TOX3: variants seen among roughly 807,000 people sequenced by gnomAD.
The protein encoded by TOX3 is CAG trinucleotide repeat-containing gene F9 protein.
Under a neutral mutation model 64.3 loss-of-function variants are expected in TOX3, and 22 were observed. The ratio of observed to expected loss-of-function variants is 0.34; its 90% CI spans 0.24 to 0.49. The LOEUF (loss-of-function observed/expected upper bound fraction) is 0.49. TOX3 is among the 20% of genes least tolerant of loss of function. The pLI is 0.99. For synonymous variants in TOX3, 291 were observed against 273.6 expected, an observed-to-expected ratio of 1.06 and a Z score of -0.63; for missense variants, 661 against 714.4, an observed-to-expected ratio of 0.93 and a Z score of 0.85.
chr16:52,454,649 A>G (rs1360304921), intron 3 of TOX3, among the ~76,000 whole-genome samples: 1 of 152,204 alleles, frequency 6.6e-6, no homozygotes, highest in Admixed American at 6.5e-5. Flanking sequence ...CCTTTAAAAG[A>G]TGTTACCCTT....
Position 52,490,825 on chromosome 16 carries a change from C to T in TOX3, c.88-22251G>A, listed in dbSNP as rs557445224. 2.3e-3 allele frequency among the ~76,000 whole-genome samples: 348 copies of T among 151,786 alleles called. 1 individual carries two copies. The highest frequency in any genetic ancestry group is 4.2e-3 in the Non-Finnish European group (288 of 67,930). Reference sequence around the variant, plus strand: ...TTTATTTTTTGTAGAGACAAGGTTTCTCTATGTTGCCCAGGCTGGTCTCAA... The same window carrying T: ...TTTATTTTTTGTAGAGACAAGGTTTTTCTATGTTGCCCAGGCTGGTCTCAA... On this transcript the variant is annotated intron_variant, in intron 1 of 6. Transcript: ENST00000219746.
intron 4 of TOX3, among the ~76,000 whole-genome samples, chr16:52,446,997 C>T (rs937412408): frequency 2.0e-5 from 3 of 152,128 alleles, no homozygotes; most frequent in Non-Finnish European, 2.9e-5. Context: ...AGTAACCCTG[C>T]TCACAAGAAT....
At chr16:52,494,395 T>G (rs9939506) in intron 1 of TOX3, among the ~76,000 whole-genome samples, 1 of 152,042 alleles carries the variant, frequency 6.6e-6, no homozygotes, top group African/African-American at 2.4e-5. Flanking sequence ...CCTGGGTCCC[T>G]CCTCCACTGC....
chr16:52,493,053 A>G (rs537043928), intron 1 of TOX3, among the ~76,000 whole-genome samples: 3 of 152,316 alleles, frequency 2.0e-5, no homozygotes, highest in Admixed American at 6.5e-5. Flanking sequence ...GCAAGTGGAC[A>G]GAACCAAGCT....
intron 1 of TOX3, among the ~76,000 whole-genome samples, chr16:52,488,472 T>C (rs1961589024): frequency 6.6e-6 from 1 of 152,214 alleles, no homozygotes; most frequent in Admixed American, 6.5e-5. Flanking sequence ...GACCATCTTG[T>C]TGCCATGACT....
chr16:52,483,010 C>A lies in TOX3; in HGVS notation c.88-14436G>T, dbSNP rs889671366. Among the ~76,000 whole-genome samples the A allele has an allele frequency of 3.0e-4, 46 of 151,964 alleles. 1 individual carries two copies. The highest frequency in any genetic ancestry group is 2.2e-3 in the Admixed American group (33 of 15,258). On this transcript the variant is annotated intron_variant, in intron 1 of 6. Transcript: ENST00000219746. ...CAAGATTAATATTGAAAATAAACCC[C>A]GTATAATAGGGCCCCTGGGATAAGT...
rs530010382 is a variant in TOX3, at chr16:52,445,790, T to C, written c.906+204A>G. 73 of 559,826 alleles carry C rather than the reference T, an allele frequency of 1.3e-4. No homozygotes were observed. The African/African-American group carries it at 1.3e-3, about 10-fold the overall frequency. 34.7% of individuals were successfully genotyped at this position (559,826 alleles called of 1,614,324 possible). A position where few individuals can be genotyped will look rare whatever the true frequency, so the allele number is the denominator to read the frequency against. ...CCTTCCTCTGAATGGGTTCTGAACA[T>C]GCACCCATAAGCTGACAGAGAAATC... On this transcript the variant is annotated intron_variant, in intron 5 of 6. Coordinates refer to ENST00000219746, the MANE Select transcript of TOX3 (RefSeq NM_001080430.4).
chr16:52,440,748 C>CTTTTTTTTTTTTTTTTTTTTTTTTTTTTT (rs1425662404), intron 6 of TOX3, among the ~76,000 whole-genome samples: 1 of 89,456 alleles, frequency 1.1e-5, no homozygotes. Flanking sequence ...ATTTTTCTTT[C>CTTTTTTTTTTTTTTTTTTTTTTTTTTTTT]TTTCTTTTTT....
intron 4 of TOX3, among the ~76,000 whole-genome samples, chr16:52,448,024 T>G (rs986565389): frequency 2.6e-5 from 4 of 152,190 alleles, no homozygotes; most frequent in African/African-American, 7.2e-5. Flanking sequence ...CGACCACCTT[T>G]GACGCCTTTC....
intron 1 of TOX3, among the ~76,000 whole-genome samples, chr16:52,502,720 G>A (rs1962035952): frequency 6.6e-6 from 1 of 152,138 alleles, no homozygotes. Context: ...AGAATTCCAT[G>A]ATATCCTAAA....
At chr16:52,455,243 A>G (rs2151749594) in intron 3 of TOX3, among the ~76,000 whole-genome samples, 1 of 152,154 alleles carries the variant, frequency 6.6e-6, no homozygotes, top group East Asian at 1.9e-4. Context: ...GATATTAGAT[A>G]AGAGTTTCTC....
chr16:52,544,594 G>A (rs528768658), intron 1 of TOX3, among the ~76,000 whole-genome samples: 21 of 152,294 alleles, frequency 1.4e-4, no homozygotes, highest in Non-Finnish European at 2.8e-4. Flanking sequence ...GTTATTTCAG[G>A]CAAATAGCTG....
At chr16:52,487,220 T>C (rs1181131896) in intron 1 of TOX3, among the ~76,000 whole-genome samples, 3 of 151,866 alleles carry the variant, frequency 2.0e-5, no homozygotes, top group Non-Finnish European at 4.4e-5. Context: ...TGTTGGCTTC[T>C]GGTAGTGACC....
intron 1 of TOX3, among the ~76,000 whole-genome samples, chr16:52,512,211 CTCAAATGGATTTTGTTTTACCTGAA>C (rs1962331191): frequency 6.6e-6 from 1 of 152,124 alleles, no homozygotes; most frequent in South Asian, 2.1e-4. Flanking sequence ...TAAATATTGG[CTCAAATGGATTTTGTTTTACCTGAA>C]TCAAAGGGAT....
chr16:52,524,739 C>T (rs1317420502), intron 1 of TOX3, among the ~76,000 whole-genome samples: 2 of 152,268 alleles, frequency 1.3e-5, no homozygotes, highest in East Asian at 3.9e-4. Context: ...CTTAAAAGTG[C>T]CTAGAAGATA....
intron 1 of TOX3, among the ~76,000 whole-genome samples, chr16:52,530,948 C>T (rs928545781): frequency 1.3e-5 from 2 of 152,200 alleles, no homozygotes; most frequent in Admixed American, 6.5e-5. Flanking sequence ...TAAAGCTCCA[C>T]TGTTTTCAGT....
chr16:52,488,229 C>T (rs186447866), intron 1 of TOX3, among the ~76,000 whole-genome samples: 1 of 152,322 alleles, frequency 6.6e-6, no homozygotes, highest in East Asian at 1.9e-4. Flanking sequence ...TAGCCAGTGG[C>T]CCCCTGCTGA....
intron 1 of TOX3, among the ~76,000 whole-genome samples, chr16:52,497,879 G>C (rs1961890481): frequency 6.6e-6 from 1 of 151,954 alleles, no homozygotes; most frequent in South Asian, 2.1e-4. Flanking sequence ...AAGATATAAA[G>C]AAAAAATCAA....
chr16:52,465,943 A>C (rs1051171911), intron 2 of TOX3, among the ~76,000 whole-genome samples: 3 of 152,180 alleles, frequency 2.0e-5, no homozygotes, highest in Non-Finnish European at 4.4e-5. Flanking sequence ...TCTAATAATG[A>C]CCCCAAAAGC....
Sources: gnomAD v4.1 joint callset for allele counts (sites outside exome capture counted in the v4.1 genomes callset) on GRCh38, gnomAD v4.1.1 for gene constraint, MANE v1.5 for transcripts, NCBI Gene and HGNC (gene_info 2026-07-23, HGNC 2026-07-21) for gene names.